PTBP2: variants seen among roughly 807,000 people sequenced by gnomAD.
PTBP2 encodes the protein polypyrimidine tract binding protein 2.
A neutral mutation model predicts 61.4 loss-of-function variants in PTBP2; 13 were observed. The observed-to-expected ratio is 0.21, with a 90% CI of 0.14 to 0.34. The LOEUF (loss-of-function observed/expected upper bound fraction) is 0.34. Among genes scored for constraint, PTBP2 ranks in the 10% least tolerant of loss-of-function variants. The pLI is 1.00. For synonymous variants in PTBP2, 215 were observed against 218.5 expected (o/e 0.98, Z 0.14); for missense variants, 405 against 642.6 (o/e 0.63, Z 4.00).
chr1:96,805,552 C>T (rs1414394713), intron 9 of PTBP2, among the ~76,000 whole-genome samples: 1 of 150,928 alleles, frequency 6.6e-6, no homozygotes, highest in African/African-American at 2.4e-5. Flanking sequence ...AAATTTATTG[C>T]TAAGTTATTT....
chr1:96,733,712 G>A (rs2100818650), intron 2 of PTBP2, among the ~76,000 whole-genome samples: 1 of 152,254 alleles, frequency 6.6e-6, no homozygotes, highest in East Asian at 1.9e-4. Context: ...ATGAAGTACA[G>A]TTGACCCTTG....
intron 8 of PTBP2, among the ~76,000 whole-genome samples, chr1:96,797,550 C>A (rs892025582): frequency 6.6e-6 from 1 of 152,060 alleles, no homozygotes; most frequent in African/African-American, 2.4e-5. Flanking sequence ...CTTCCAGACC[C>A]CTTGGTGGTA....
At chr1:96,807,975 T>C (rs1002826094) in intron 11 of PTBP2, among the ~76,000 whole-genome samples, 1 of 152,180 alleles carries the variant, frequency 6.6e-6, no homozygotes, top group Admixed American at 6.5e-5. Flanking sequence ...GTCATTGCTG[T>C]TGTTTTCATA....
intron 2 of PTBP2, among the ~76,000 whole-genome samples, chr1:96,725,242 A>G (rs1650237121): frequency 6.6e-6 from 1 of 152,070 alleles, no homozygotes; most frequent in Admixed American, 6.6e-5. Context: ...ATGAGTAGAC[A>G]GGAAAAAACT....
chr1:96,745,202 A>G (rs1048125478), intron 2 of PTBP2, among the ~76,000 whole-genome samples: 9 of 151,330 alleles, frequency 5.9e-5, no homozygotes, highest in Non-Finnish European at 1.3e-4. Context: ...TTGCTCTGAT[A>G]CCCACGCTGG....
intron 3 of PTBP2, among the ~76,000 whole-genome samples, chr1:96,768,827 A>G (rs575327745): frequency 6.6e-6 from 1 of 152,108 alleles, no homozygotes; most frequent in South Asian, 2.1e-4. Flanking sequence ...CAATAGTAAT[A>G]TATCAGGAGA....
At chr1:96,757,740 A>G (rs76563263) in intron 3 of PTBP2, among the ~76,000 whole-genome samples, 2,828 of 152,248 alleles carry the variant, frequency 0.019, 88 homozygotes, top group African/African-American at 0.064. Flanking sequence ...CTGACTGACT[A>G]TAGTGGAATT....
intron 7 of PTBP2, 73 bp downstream of exon 7, chr1:96,778,019 G>A: frequency 1.5e-6 from 1 of 668,764 alleles, no homozygotes; most frequent in Non-Finnish European, 2.4e-6. Flanking sequence ...ATATATGTAT[G>A]TATACTTAAT....
intron 8 of PTBP2, among the ~76,000 whole-genome samples, chr1:96,794,903 A>G (rs1311667243): frequency 6.6e-6 from 1 of 152,212 alleles, no homozygotes; most frequent in Admixed American, 6.5e-5. Flanking sequence ...AAAAAATATG[A>G]AAGGCTATGA....
chr1:96,777,966 T>G lies in PTBP2; in HGVS notation c.708+20T>G. On this transcript the variant is annotated intron_variant, in intron 7 of 13. Coordinates refer to ENST00000674951, the MANE Select transcript of PTBP2 (RefSeq NM_021190.4). ...AAACTAGTAAGTCTTTCTTTTGAGA[T>G]GGTGATTTTTTTTTATTGAAATGTA... The G allele has an allele frequency of 7.1e-7, 1 of 1,404,022 alleles. No homozygotes were observed. The highest frequency in any genetic ancestry group is 9.8e-7 in the Non-Finnish European group (1 of 1,024,562). The allele number at this position is 1,404,022 out of a possible 1,614,324, so 87.0% of individuals were successfully genotyped here.
At chr1:96,777,523 C>A (rs1658173997) in intron 5 of PTBP2, 62 bp from the exon 6 acceptor site, 3 of 1,427,204 alleles carry the variant, frequency 2.1e-6, no homozygotes, top group African/African-American at 1.4e-5. Context: ...AGTAGTGTAA[C>A]AGGTTGCAAA....
intron 7 of PTBP2, 92 bp downstream of exon 7, chr1:96,778,038 G>T: frequency 1.6e-5 from 8 of 508,104 alleles, no homozygotes; most frequent in Non-Finnish European, 2.6e-5. Flanking sequence ...ATGATATCTT[G>T]TAGCATTACA....
intron 2 of PTBP2, chr1:96,749,808 A>G (rs968687041): frequency 2.9e-6 from 1 of 347,840 alleles, no homozygotes; most frequent in Non-Finnish European, 6.0e-6. Context: ...CTGTTCGTGT[A>G]TAATTTAATC....
chr1:96,763,074 A>G (rs1656198881), intron 3 of PTBP2, among the ~76,000 whole-genome samples: 1 of 149,448 alleles, frequency 6.7e-6, no homozygotes, highest in African/African-American at 2.5e-5. Flanking sequence ...GGCCGGGCAG[A>G]GACCTCCTTT....
rs556055960 is a variant in PTBP2 at position 96,787,174 on chromosome 1, C to A, written c.904+1920C>A. Among the ~76,000 whole-genome samples, 82 of 152,196 alleles carry A rather than the reference C, an allele frequency of 5.4e-4. 1 individual carries two copies. Among genetic ancestry groups the A allele is most frequent in the Non-Finnish European group, 3.2e-4 (22 of 67,988 alleles). Reference sequence around the variant, plus strand: ...CATCTGGGACTACAGGCGTGTACCACCACCCCTGGCTAACTTTTGTCTTTT... The same window carrying A: ...CATCTGGGACTACAGGCGTGTACCAACACCCCTGGCTAACTTTTGTCTTTT... On this transcript the variant is annotated intron_variant, in intron 8 of 13. Coordinates refer to ENST00000674951, the MANE Select transcript of PTBP2 (RefSeq NM_021190.4).
At chr1:96,757,023 G>A (rs1157841821) in intron 3 of PTBP2, among the ~76,000 whole-genome samples, 1 of 152,148 alleles carries the variant, frequency 6.6e-6, no homozygotes, top group Non-Finnish European at 1.5e-5. Flanking sequence ...ATTTGGGGCA[G>A]GAGGCAGGGA....
intron 3 of PTBP2, among the ~76,000 whole-genome samples, chr1:96,763,180 G>A (rs1337339744): frequency 6.6e-6 from 1 of 152,140 alleles, no homozygotes; most frequent in African/African-American, 2.4e-5. Flanking sequence ...CGGGGTGGCG[G>A]CTGGGCAGAG....
chr1:96,786,765 TTAAAGATAAAATACCAAGAAACTCCAGC>T (rs1178464423), intron 8 of PTBP2, among the ~76,000 whole-genome samples: 1 of 152,058 alleles, frequency 6.6e-6, no homozygotes, highest in African/African-American at 2.4e-5. Context: ...AAGAAACAAT[TTAAAGATAAAATACCAAGAAACTCCAGC>T]TAAAGATAAA....
intron 2 of PTBP2, among the ~76,000 whole-genome samples, chr1:96,728,874 A>G (rs1178838521): frequency 1.3e-5 from 2 of 150,292 alleles, no homozygotes; most frequent in African/African-American, 4.9e-5. Flanking sequence ...ATTTACCCAT[A>G]AGTATTTTAT....
Sources: gnomAD v4.1 joint callset for allele counts (sites outside exome capture counted in the v4.1 genomes callset) on GRCh38, gnomAD v4.1.1 for gene constraint, MANE v1.5 for transcripts, NCBI Gene and HGNC (gene_info 2026-07-23, HGNC 2026-07-21) for gene names.